STXBP5: variants seen among roughly 807,000 people sequenced by gnomAD.
The protein encoded by STXBP5 is syntaxin binding protein 5.
STXBP5 carries 50 observed loss-of-function variants against 152.4 expected under a neutral mutation model. The ratio of observed to expected loss-of-function variants is 0.33; its 90% CI spans 0.26 to 0.42. The LOEUF (loss-of-function observed/expected upper bound fraction) is 0.42, where lower values mean the gene tolerates loss of function less well. Ranked by LOEUF, STXBP5 falls within the 10% of genes least tolerant of loss-of-function variation. The probability of loss-of-function intolerance (pLI) is 1.00; values close to 1 mark genes in which losing one functional copy is unlikely to be tolerated. For synonymous variants in STXBP5, 492 were observed against 494.7 expected (o/e 0.99, Z 0.07); for missense variants, 1,167 against 1,388.6 (o/e 0.84, Z 2.54).
At chr6:147,296,667 T>A (rs980770693) in intron 9 of STXBP5, among the ~76,000 whole-genome samples, 3 of 151,794 alleles carry the variant, frequency 2.0e-5, no homozygotes, top group African/African-American at 7.3e-5. Flanking sequence ...ATAAAGAAAT[T>A]CAAAATAATG....
At chr6:147,369,183 A>AT (rs1785431498) in intron 25 of STXBP5, among the ~76,000 whole-genome samples, 5 of 152,132 alleles carry the variant, frequency 3.3e-5, no homozygotes, top group South Asian at 4.1e-4. Flanking sequence ...TGGACAACTG[A>AT]TTTTTTTAAG....
chr6:147,300,035 A>G (rs1366268628), intron 9 of STXBP5, among the ~76,000 whole-genome samples: 3 of 152,024 alleles, frequency 2.0e-5, no homozygotes, highest in African/African-American at 7.2e-5. Flanking sequence ...TAACTGAAAA[A>G]GAAGTCAAGA....
intron 4 of STXBP5, among the ~76,000 whole-genome samples, chr6:147,241,742 T>G (rs1778556206): frequency 6.6e-6 from 1 of 152,090 alleles, no homozygotes; most frequent in Non-Finnish European, 1.5e-5. Flanking sequence ...TCTTATAGAT[T>G]AGGGATGTTA....
intron 2 of STXBP5, among the ~76,000 whole-genome samples, 185 bp downstream of exon 2, chr6:147,206,253 C>A (rs1440735376): frequency 1.3e-5 from 2 of 152,146 alleles, no homozygotes; most frequent in Non-Finnish European, 2.9e-5. Context: ...TGATGTTTCT[C>A]AGCTCCTAGT....
chr6:147,242,298 A>AT (rs1562432885), intron 4 of STXBP5, among the ~76,000 whole-genome samples: 1 of 152,158 alleles, frequency 6.6e-6, no homozygotes, highest in African/African-American at 2.4e-5. Flanking sequence ...AAGGGTTATT[A>AT]TAAAAGAGTC....
chr6:147,276,585 A>G (rs1032407772), intron 7 of STXBP5, among the ~76,000 whole-genome samples: 7 of 151,942 alleles, frequency 4.6e-5, no homozygotes, highest in Non-Finnish European at 1.0e-4. Flanking sequence ...AGCACTATAG[A>G]CCTCTTTTGT....
chr6:147,258,520 G>A (rs752514968), intron 4 of STXBP5, among the ~76,000 whole-genome samples: 13 of 149,334 alleles, frequency 8.7e-5, no homozygotes, highest in Non-Finnish European at 1.9e-4. Context: ...TGCAAGCTCC[G>A]CCTCCCAGGT....
intron 19 of STXBP5, among the ~76,000 whole-genome samples, chr6:147,335,186 A>C (rs1005312740): frequency 7.2e-5 from 11 of 152,336 alleles, no homozygotes; most frequent in Admixed American, 7.2e-4. Flanking sequence ...CTAATAAAAC[A>C]TATGGAGGAA....
rs75584640 is a variant in STXBP5 at position 147,353,418 on chromosome 6, G to A, written c.2305+45G>A. 1,776 of 1,317,254 alleles carry A rather than the reference G, an allele frequency of 1.3e-3. 21 individuals are homozygous for A. In the African/African-American group the frequency reaches 0.024, roughly 18 times the overall value. 81.6% of individuals were successfully genotyped at this position (1,317,254 alleles called of 1,614,324 possible). On this transcript the variant is annotated intron_variant, in intron 22 of 27. Coordinates refer to ENST00000321680, the MANE Select transcript of STXBP5 (RefSeq NM_001127715.4). ...AAAATAATTTAACTCCCTATAATGGGAAGACAAGGAAATCAGAAAATTTAT... is the reference window on the plus strand; with the variant it reads ...AAAATAATTTAACTCCCTATAATGGAAAGACAAGGAAATCAGAAAATTTAT...
intron 9 of STXBP5, among the ~76,000 whole-genome samples, chr6:147,298,164 A>G (rs182090911): frequency 9.9e-5 from 15 of 152,256 alleles, no homozygotes; most frequent in Admixed American, 9.2e-4. Context: ...AAGATATTTC[A>G]TGCAAACCGA....
intron 25 of STXBP5, among the ~76,000 whole-genome samples, chr6:147,364,731 T>C (rs1236771706): frequency 6.6e-6 from 1 of 152,212 alleles, no homozygotes; most frequent in African/African-American, 2.4e-5. Context: ...AAGTGATCAG[T>C]TTAGCTTTAC....
rs149483606 is a variant in STXBP5 at position 147,296,586 on chromosome 6, T to C, written c.917+5414T>C. On this transcript the variant is annotated intron_variant, in intron 9 of 27. Coordinates refer to ENST00000321680, the MANE Select transcript of STXBP5 (RefSeq NM_001127715.4). The stretch of plus-strand genomic sequence containing the variant: ...ACAAATATGAAAAAGCAAGGAAACA[T>C]GACATCCCCAGAGGAACACAATAAT... 9.9e-5 allele frequency among the ~76,000 whole-genome samples: 15 copies of C among 152,190 alleles called. No homozygotes were observed. In the East Asian group the frequency reaches 2.9e-3, roughly 29 times the overall value.
intron 16 of STXBP5, among the ~76,000 whole-genome samples, chr6:147,317,145 A>G (rs534289283): frequency 5.3e-5 from 8 of 152,330 alleles, no homozygotes; most frequent in East Asian, 3.9e-4. Flanking sequence ...GCCAGAGTGT[A>G]CTAGGTTCAA....
intron 4 of STXBP5, among the ~76,000 whole-genome samples, chr6:147,242,194 A>T (rs542101975): frequency 6.6e-6 from 1 of 152,032 alleles, no homozygotes; most frequent in African/African-American, 2.4e-5. Flanking sequence ...AAAGTTTAAA[A>T]AGTAAAAGTA....
intron 8 of STXBP5, among the ~76,000 whole-genome samples, chr6:147,285,436 T>A (rs1780913001): frequency 6.6e-6 from 1 of 152,040 alleles, no homozygotes; most frequent in Non-Finnish European, 1.5e-5. Flanking sequence ...TCAGAGACAT[T>A]ATTTAAAACA....
At chr6:147,343,169 T>C (rs1784167773) in intron 21 of STXBP5, among the ~76,000 whole-genome samples, 1 of 152,116 alleles carries the variant, frequency 6.6e-6, no homozygotes, top group Non-Finnish European at 1.5e-5. Flanking sequence ...CAGGTATTCT[T>C]TATGTGGTAT....
rs536947024 is a variant in STXBP5, at chr6:147,287,359, C to T, written c.839-3735C>T. Among the ~76,000 whole-genome samples the T allele has an allele frequency of 5.5e-3, 827 of 151,070 alleles. 3 individuals are homozygous for T. Among genetic ancestry groups the T allele is most frequent in the Non-Finnish European group, 9.5e-3 (640 of 67,712 alleles). On this transcript the variant is annotated intron_variant, in intron 8 of 27. Transcript: ENST00000321680. ...CTGGGACTACAGGCGCCCGCCACTA[C>T]GCCCGGCTAATTTTTTGTATTTTTA...
chr6:147,311,576 A>C lies in STXBP5; in HGVS notation c.1145+49A>C, dbSNP rs1782378046. ...GATTCTATCAGTATGTGGTTGAAAA[A>C]AGATGCCTTTTATCATAGCATTAGC... On this transcript the variant is annotated intron_variant, in intron 11 of 27. Coordinates refer to ENST00000321680, the MANE Select transcript of STXBP5 (RefSeq NM_001127715.4). The C allele has an allele frequency of 2.5e-5, 35 of 1,423,710 alleles. 1 individual carries two copies. The highest frequency in any genetic ancestry group is 3.3e-5 in the Non-Finnish European group (34 of 1,022,818). The allele number at this position is 1,423,710 out of a possible 1,614,324, so 88.2% of individuals were successfully genotyped here.
chr6:147,252,127 C>T (rs1487779601), intron 4 of STXBP5, among the ~76,000 whole-genome samples: 1 of 152,028 alleles, frequency 6.6e-6, no homozygotes, highest in African/African-American at 2.4e-5. Flanking sequence ...AAGGAAAAAC[C>T]AGCACAAAAA....
Sources: gnomAD v4.1 joint callset for allele counts (sites outside exome capture counted in the v4.1 genomes callset) on GRCh38, gnomAD v4.1.1 for gene constraint, MANE v1.5 for transcripts, NCBI Gene and HGNC (gene_info 2026-07-23, HGNC 2026-07-21) for gene names.